CNTNAP2: variants seen among roughly 807,000 people sequenced by gnomAD.
CNTNAP2 encodes the protein contactin associated protein 2.
CNTNAP2 carries 98 observed loss-of-function variants against 155.2 expected under a neutral mutation model. The observed-to-expected ratio is 0.63, with a 90% confidence interval of 0.54 to 0.75. The LOEUF (loss-of-function observed/expected upper bound fraction) is 0.75. Ranked by LOEUF, CNTNAP2 falls within the 30% of genes least tolerant of loss-of-function variation. The pLI, the probability that CNTNAP2 is intolerant of heterozygous loss-of-function variation, is 0.00. For missense variants in CNTNAP2, 1,727 were observed against 1,688.1 expected, an observed-to-expected ratio of 1.02 and a Z score of -0.40; for synonymous variants, 651 against 631.2, an observed-to-expected ratio of 1.03 and a Z score of -0.47.
chr7:146,303,092 G>A (rs949334879), intron 1 of CNTNAP2, among the ~76,000 whole-genome samples: 31 of 151,904 alleles, frequency 2.0e-4, no homozygotes, highest in Admixed American at 3.9e-4. Context: ...GTGTGTGTGT[G>A]TGTGTGTGTG....
At chr7:147,254,134 T>C (rs1478621729) in intron 8 of CNTNAP2, among the ~76,000 whole-genome samples, 2 of 152,118 alleles carry the variant, frequency 1.3e-5, no homozygotes, top group Non-Finnish European at 2.9e-5. Flanking sequence ...AGGGCCTGTC[T>C]GTGAAAATGA....
At chr7:148,358,516 C>A (rs889889769) in intron 21 of CNTNAP2, among the ~76,000 whole-genome samples, 4 of 152,086 alleles carry the variant, frequency 2.6e-5, no homozygotes, top group African/African-American at 7.2e-5. Flanking sequence ...CCGCTGGGAG[C>A]CTGGTGAGGT....
chr7:146,271,073 G>A (rs1026357755), intron 1 of CNTNAP2, among the ~76,000 whole-genome samples: 1 of 152,016 alleles, frequency 6.6e-6, no homozygotes, highest in Admixed American at 6.6e-5. Context: ...TTCTTTAGTA[G>A]TACTTGCCAA....
intron 16 of CNTNAP2, among the ~76,000 whole-genome samples, chr7:148,131,160 A>G (rs1804824862): frequency 7.1e-6 from 1 of 140,640 alleles, no homozygotes; most frequent in Non-Finnish European, 1.5e-5. Flanking sequence ...CAGTGGTGCA[A>G]TCTCAGCAGC....
At chr7:146,921,315 T>C (rs1009567751) in intron 3 of CNTNAP2, among the ~76,000 whole-genome samples, 3 of 152,146 alleles carry the variant, frequency 2.0e-5, no homozygotes, top group Admixed American at 6.5e-5. Flanking sequence ...GGAAAAACAA[T>C]GTCCTGAGAA....
intron 9 of CNTNAP2, among the ~76,000 whole-genome samples, chr7:147,320,654 A>G (rs1313615955): frequency 6.6e-6 from 1 of 151,966 alleles, no homozygotes; most frequent in Non-Finnish European, 1.5e-5. Context: ...TGTGAAATAC[A>G]CTCCTCTTAT....
chr7:148,300,509 T>C (rs974933990), intron 21 of CNTNAP2, among the ~76,000 whole-genome samples: 2 of 151,166 alleles, frequency 1.3e-5, no homozygotes, highest in African/African-American at 2.4e-5. Flanking sequence ...CTAGCTAAGA[T>C]TATAATCATA....
chr7:148,263,598 G>T (rs773555985), intron 20 of CNTNAP2, among the ~76,000 whole-genome samples: 3 of 151,972 alleles, frequency 2.0e-5, no homozygotes, highest in Non-Finnish European at 4.4e-5. Context: ...TTAGCCGGGC[G>T]TGGTGGCGGG....
intron 1 of CNTNAP2, among the ~76,000 whole-genome samples, chr7:146,224,885 C>T (rs1483512743): frequency 6.6e-6 from 1 of 152,062 alleles, no homozygotes; most frequent in African/African-American, 2.4e-5. Context: ...CCAAGTTTTT[C>T]TTCAAATTGA....
chr7:147,337,508 C>T (rs1795685435), intron 9 of CNTNAP2, among the ~76,000 whole-genome samples: 1 of 152,062 alleles, frequency 6.6e-6, no homozygotes. Flanking sequence ...GGGGACCTGT[C>T]CTGCAGTGCT....
chr7:148,242,552 CAG>C (rs931717267), intron 20 of CNTNAP2, among the ~76,000 whole-genome samples: 5 of 152,212 alleles, frequency 3.3e-5, no homozygotes, highest in Admixed American at 3.3e-4. Context: ...CGACCAAAAC[CAG>C]AGTCCTAGGT....
At chr7:147,357,073 A>T (rs923348259) in intron 9 of CNTNAP2, among the ~76,000 whole-genome samples, 1 of 152,058 alleles carries the variant, frequency 6.6e-6, no homozygotes, top group African/African-American at 2.4e-5. Flanking sequence ...CTAATTGCTC[A>T]TCTTCTTGTA....
At chr7:147,594,380 C>T (rs1191072509) in intron 12 of CNTNAP2, among the ~76,000 whole-genome samples, 1 of 152,102 alleles carries the variant, frequency 6.6e-6, no homozygotes, top group African/African-American at 2.4e-5. Flanking sequence ...GAAGTTCCCA[C>T]CAGTCCTCTG....
At chr7:147,926,046 C>G (rs1298502283) in intron 14 of CNTNAP2, among the ~76,000 whole-genome samples, 2 of 152,152 alleles carry the variant, frequency 1.3e-5, no homozygotes, top group East Asian at 3.8e-4. Context: ...GATGCTGACA[C>G]TGTGAAAACA....
intron 8 of CNTNAP2, among the ~76,000 whole-genome samples, chr7:147,208,069 C>A (rs1271301961): frequency 6.6e-6 from 1 of 152,078 alleles, no homozygotes; most frequent in Non-Finnish European, 1.5e-5. Flanking sequence ...ACAAAACAAG[C>A]AGTACATGAA....
chr7:147,349,556 A>G, intron 9 of CNTNAP2, among the ~76,000 whole-genome samples: 1 of 151,902 alleles, frequency 6.6e-6, no homozygotes, highest in East Asian at 1.9e-4. Context: ...AAAATATATA[A>G]CATTCCAAAT....
rs139750747 is a variant in CNTNAP2, at chr7:148,036,562, C to T, written c.2383+58573C>T. Among the ~76,000 whole-genome samples the T allele has an allele frequency of 2.6e-4, 39 of 152,168 alleles. No individual in the cohort carries two copies. In the East Asian group the frequency reaches 6.0e-3, roughly 23 times the overall value. On this transcript the variant is annotated intron_variant, in intron 15 of 23. Transcript: ENST00000361727. Reference sequence around the variant, plus strand: ...ACAGCAAGAAGGCCCTCACAAGACACGGATGCCTTGATCTTGGATGTCCCA... The same window carrying T: ...ACAGCAAGAAGGCCCTCACAAGACATGGATGCCTTGATCTTGGATGTCCCA...
chr7:146,678,145 T>C (rs974738639), intron 1 of CNTNAP2, among the ~76,000 whole-genome samples: 2 of 152,126 alleles, frequency 1.3e-5, no homozygotes, highest in Admixed American at 1.3e-4. Flanking sequence ...CTTGGCTCAC[T>C]GCAACCTCTG....
chr7:146,121,192 G>C (rs1328201724), intron 1 of CNTNAP2, among the ~76,000 whole-genome samples: 1 of 124,348 alleles, frequency 8.0e-6, no homozygotes, highest in Non-Finnish European at 1.6e-5. Flanking sequence ...GCAGTGGCCC[G>C]ATCTCAGTTC....
Sources: gnomAD v4.1 joint callset for allele counts (sites outside exome capture counted in the v4.1 genomes callset) on GRCh38, gnomAD v4.1.1 for gene constraint, MANE v1.5 for transcripts, NCBI Gene and HGNC (gene_info 2026-07-23, HGNC 2026-07-21) for gene names.